Variants in RGS7 observed in about 807,000 individuals in gnomAD.
RGS7 encodes the protein regulator of G-protein signaling 7.
Under a neutral mutation model 81.1 loss-of-function variants are expected in RGS7, and 27 were observed. That is an observed-to-expected ratio of 0.33 (90% CI 0.25 to 0.46). RGS7 has a LOEUF of 0.46. Among genes scored for constraint, RGS7 ranks in the 20% least tolerant of loss-of-function variants. The pLI is 1.00. For synonymous variants in RGS7, 208 were observed against 207.7 expected (o/e 1.00, Z -0.01); for missense variants, 396 against 607.4 (o/e 0.65, Z 3.66).
At chr1:240,844,222 T>C (rs1236064547) in intron 9 of RGS7, among the ~76,000 whole-genome samples, 1 of 152,124 alleles carries the variant, frequency 6.6e-6, no homozygotes, top group East Asian at 1.9e-4. Context: ...AATTCAGCTA[T>C]AGTAGGAATG....
Position 241,090,011 on chromosome 1 carries a change from A to AG in RGS7, c.175+8654_175+8655insC, listed in dbSNP as rs1553415262. ...TCCATCTCAAAAAAAAAAAAAAAAA[A>AG]AGAGAGAGAGAACAGGAAAACTTTT... On this transcript the variant is annotated intron_variant, in intron 3 of 18. Coordinates refer to ENST00000440928, the MANE Select transcript of RGS7 (RefSeq NM_001364886.1). Among the ~76,000 whole-genome samples, 488 of 141,724 alleles carry AG rather than the reference A, an allele frequency of 3.4e-3. 11 individuals carry two copies. In the East Asian group the frequency reaches 0.059, roughly 17 times the overall value. The allele number at this position is 141,724 out of a possible 152,430, so 93.0% of individuals were successfully genotyped here. A position where few individuals can be genotyped will look rare whatever the true frequency, so the allele number is the denominator to read the frequency against.
intron 6 of RGS7, among the ~76,000 whole-genome samples, chr1:240,882,796 A>C (rs570328365): frequency 5.9e-5 from 9 of 152,248 alleles, no homozygotes; most frequent in African/African-American, 1.9e-4. Flanking sequence ...CTCCCTCTGC[A>C]TTCATCCCTA....
chr1:241,282,654 A>G (rs376862339), intron 2 of RGS7, among the ~76,000 whole-genome samples: 1 of 152,314 alleles, frequency 6.6e-6, no homozygotes, highest in African/African-American at 2.4e-5. Flanking sequence ...ACATTAGGGG[A>G]AAAGCATTCA....
intron 2 of RGS7, among the ~76,000 whole-genome samples, chr1:241,230,287 C>T (rs1198093651): frequency 6.6e-6 from 1 of 150,804 alleles, no homozygotes; most frequent in African/African-American, 2.4e-5. Flanking sequence ...GATCTCGGCT[C>T]ACTGAAAACT....
chr1:241,263,748 A>C (rs748033435), intron 2 of RGS7, among the ~76,000 whole-genome samples: 5 of 152,224 alleles, frequency 3.3e-5, no homozygotes, highest in Non-Finnish European at 5.9e-5. Context: ...CTTTAAAAAT[A>C]ATCAAATTTT....
intron 9 of RGS7, among the ~76,000 whole-genome samples, chr1:240,858,552 C>T (rs976279171): frequency 6.6e-6 from 1 of 152,080 alleles, no homozygotes; most frequent in Non-Finnish European, 1.5e-5. Context: ...GATCCTTTGT[C>T]CATTTTTAAT....
intron 6 of RGS7, among the ~76,000 whole-genome samples, chr1:240,885,813 C>A (rs1667254120): frequency 6.6e-6 from 1 of 152,024 alleles, no homozygotes; most frequent in Non-Finnish European, 1.5e-5. Context: ...GGCTTAATAC[C>A]TGGGTAATGA....
At chr1:240,833,486 A>C (rs996608702) in intron 9 of RGS7, among the ~76,000 whole-genome samples, 1 of 152,228 alleles carries the variant, frequency 6.6e-6, no homozygotes, top group Non-Finnish European at 1.5e-5. Flanking sequence ...GGCTCAACTT[A>C]AAATTTTTCA....
chr1:240,813,521 AT>A, intron 13 of RGS7, 96 bp downstream of exon 13: 1 of 777,860 alleles, frequency 1.3e-6, no homozygotes, highest in East Asian at 2.6e-5. Flanking sequence ...AAAGAACAAA[AT>A]TACATTCACA....
chr1:241,240,077 T>C (rs1252635211), intron 2 of RGS7, among the ~76,000 whole-genome samples: 1 of 152,138 alleles, frequency 6.6e-6, no homozygotes, highest in Non-Finnish European at 1.5e-5. Context: ...AATAGTCCAG[T>C]CTCATCATGT....
chr1:241,350,285 T>C (rs1201914890), intron 2 of RGS7, among the ~76,000 whole-genome samples: 2 of 152,222 alleles, frequency 1.3e-5, no homozygotes, highest in Admixed American at 1.3e-4. Context: ...TCAGTATTAG[T>C]ATCACTGAGA....
At chr1:241,101,643 A>C (rs1228430954) in intron 2 of RGS7, among the ~76,000 whole-genome samples, 1 of 152,368 alleles carries the variant, frequency 6.6e-6, no homozygotes, top group Non-Finnish European at 1.5e-5. Flanking sequence ...GTATAGAAAC[A>C]TGAAAATAGA....
At chr1:241,321,458 G>A (rs1418444835) in intron 2 of RGS7, among the ~76,000 whole-genome samples, 2 of 152,252 alleles carry the variant, frequency 1.3e-5, no homozygotes, top group South Asian at 2.1e-4. Context: ...CACTCCCACA[G>A]ATAACGAGAT....
chr1:241,353,195 T>G (rs1442762209), intron 2 of RGS7, among the ~76,000 whole-genome samples: 2 of 152,242 alleles, frequency 1.3e-5, no homozygotes, highest in African/African-American at 4.8e-5. Context: ...CTAGTGTTTA[T>G]TCCTTTATGA....
At chr1:240,886,152 T>A (rs186588174) in intron 6 of RGS7, among the ~76,000 whole-genome samples, 48 of 152,358 alleles carry the variant, frequency 3.2e-4, no homozygotes, top group Middle Eastern at 3.4e-3. Flanking sequence ...CATGTAAATG[T>A]TCATGTAATA....
intron 2 of RGS7, among the ~76,000 whole-genome samples, chr1:241,137,150 C>A (rs1339269013): frequency 3.3e-5 from 5 of 152,120 alleles, no homozygotes; most frequent in African/African-American, 1.2e-4. Context: ...TCTCTCCCCT[C>A]AACTCTGGGA....
At chr1:241,174,132 A>T (rs1019481213) in intron 2 of RGS7, among the ~76,000 whole-genome samples, 12 of 152,240 alleles carry the variant, frequency 7.9e-5, no homozygotes, top group African/African-American at 2.9e-4. Context: ...TAAACCAAAG[A>T]AAAATATGAG....
chr1:240,901,034 G>A (rs1203080195), intron 6 of RGS7, among the ~76,000 whole-genome samples: 8 of 152,162 alleles, frequency 5.3e-5, no homozygotes, highest in Non-Finnish European at 7.3e-5. Flanking sequence ...CTTGCAGTTC[G>A]ATCTCAGACT....
intron 10 of RGS7, among the ~76,000 whole-genome samples, chr1:240,817,958 A>G (rs1691122884): frequency 6.6e-6 from 1 of 152,132 alleles, no homozygotes; most frequent in Non-Finnish European, 1.5e-5. Flanking sequence ...CTTGGACTTA[A>G]TCATTGGAAT....
Sources: gnomAD v4.1 joint callset for allele counts (sites outside exome capture counted in the v4.1 genomes callset) on GRCh38, gnomAD v4.1.1 for gene constraint, MANE v1.5 for transcripts, NCBI Gene and HGNC (gene_info 2026-07-23, HGNC 2026-07-21) for gene names.